The following ILRUN variants were observed in gnomAD, a reference collection of about 807,000 sequenced individuals.
The protein encoded by ILRUN is inflammation and lipid regulator with UBA-like and NBR1-like domains, also known as protein ILRUN.
A neutral mutation model predicts 33.8 loss-of-function variants in ILRUN; 3 were observed. The observed-to-expected ratio is 0.09, with a 90% confidence interval of 0.04 to 0.23. The LOEUF is 0.23. Ranked by LOEUF, ILRUN falls within the 10% of genes least tolerant of loss-of-function variation. The pLI is 1.00. For synonymous variants in ILRUN, 124 were observed against 138.9 expected (o/e 0.89, Z 0.75); for missense variants, 210 against 375.1 (o/e 0.56, Z 3.64).
chr6:34,606,522 C>A (rs1355001035), intron 4 of ILRUN, 33 bp downstream of exon 4: 1 of 1,569,304 alleles, frequency 6.4e-7, no homozygotes, highest in African/African-American at 1.4e-5. Context: ...CAAGGCCCAC[C>A]ACCTACCCCT....
At chr6:34,611,041 T>TTCCCCC (rs71746730) in intron 3 of ILRUN, among the ~76,000 whole-genome samples, 64 of 149,356 alleles carry the variant, frequency 4.3e-4, no homozygotes, top group African/African-American at 1.5e-3. Flanking sequence ...TGAGACTTCT[T>TTCCCCC]TCCCCCTCCC....
intron 3 of ILRUN, among the ~76,000 whole-genome samples, chr6:34,637,340 T>C (rs1281726269): frequency 6.6e-6 from 1 of 152,222 alleles, no homozygotes; most frequent in Non-Finnish European, 1.5e-5. Context: ...TTTATTTTCC[T>C]TTTAACAGTA....
chr6:34,594,876 T>C (rs958827699), intron 4 of ILRUN, among the ~76,000 whole-genome samples: 3 of 152,102 alleles, frequency 2.0e-5, no homozygotes, highest in Non-Finnish European at 1.5e-5. Context: ...TTTCCTAAAA[T>C]TAAAAAAAAA....
intron 3 of ILRUN, among the ~76,000 whole-genome samples, chr6:34,617,773 T>C (rs570384619): frequency 6.6e-6 from 1 of 152,308 alleles, no homozygotes; most frequent in South Asian, 2.1e-4. Context: ...CCTTAGTATT[T>C]AGCATTATAC....
At chr6:34,632,650 G>C (rs1762271818) in intron 3 of ILRUN, among the ~76,000 whole-genome samples, 2 of 150,012 alleles carry the variant, frequency 1.3e-5, no homozygotes, top group Non-Finnish European at 3.0e-5. Context: ...CGAGTAGCTG[G>C]GACTACAGGC....
At position 34,639,947 on chromosome 6, in the gene ILRUN, C is replaced by T. The variant is rs772763392; in HGVS notation, c.511+6654G>A. On this transcript the variant is annotated intron_variant, in intron 3 of 4. Transcript: ENST00000374023. Reference sequence around the variant, plus strand: ...AATAATACCTGGCAAATAGTAAGTACGAGAATTTGTTAGTACTTTCTACTA... The same window carrying T: ...AATAATACCTGGCAAATAGTAAGTATGAGAATTTGTTAGTACTTTCTACTA... 4.0e-5 allele frequency among the ~76,000 whole-genome samples: 6 copies of T among 151,840 alleles called. No individual in the cohort carries two copies. The South Asian group carries it at 1.0e-3, about 26-fold the overall frequency.
chr6:34,672,687 A>G (rs1763141804), intron 1 of ILRUN, among the ~76,000 whole-genome samples: 1 of 152,202 alleles, frequency 6.6e-6, no homozygotes, highest in South Asian at 2.1e-4. Context: ...GATCACCCAG[A>G]AAACAAAGCA....
chr6:34,683,441 CATATATAT>C (rs68021203), intron 1 of ILRUN, among the ~76,000 whole-genome samples: 1 of 120,068 alleles, frequency 8.3e-6, no homozygotes, highest in Non-Finnish European at 1.7e-5. Context: ...TATATATATA[CATATATAT>C]ATACATATAT....
At position 34,610,426 on chromosome 6, in the gene ILRUN, C is replaced by T. The variant is rs540701737; in HGVS notation, c.512-3522G>A. Among the ~76,000 whole-genome samples, 81 of 152,212 alleles carry T rather than the reference C, an allele frequency of 5.3e-4. 1 individual carries two copies. The highest frequency in any genetic ancestry group is 1.0e-3 in the Non-Finnish European group (69 of 68,038). The stretch of plus-strand genomic sequence containing the variant: ...TTCCATGCTCTCCTATCCTAGCTTT[C>T]TAACACAAGACAGCATTCCTTCACT... On this transcript the variant is annotated intron_variant, in intron 3 of 4. Transcript: ENST00000374023.
chr6:34,617,685 C>A (rs1457852064), intron 3 of ILRUN, among the ~76,000 whole-genome samples: 8 of 152,202 alleles, frequency 5.3e-5, no homozygotes, highest in Admixed American at 5.2e-4. Context: ...TGAAGGACAA[C>A]CTCCACTGAA....
intron 1 of ILRUN, among the ~76,000 whole-genome samples, chr6:34,672,590 C>T (rs1174582617): frequency 6.6e-6 from 1 of 151,842 alleles, no homozygotes; most frequent in Admixed American, 6.6e-5. Context: ...TAGTCAAGAA[C>T]CACAATATAT....
intron 3 of ILRUN, among the ~76,000 whole-genome samples, chr6:34,608,532 T>TG (rs1194009913): frequency 1.3e-5 from 2 of 152,230 alleles, no homozygotes; most frequent in Non-Finnish European, 2.9e-5. Context: ...TGAGTGAATG[T>TG]GGACATTACT....
chr6:34,643,244 A>G (rs1181675504), intron 3 of ILRUN, among the ~76,000 whole-genome samples: 1 of 151,776 alleles, frequency 6.6e-6, no homozygotes, highest in African/African-American at 2.4e-5. Context: ...GGTTGCAGTG[A>G]GCCAAGATCA....
At chr6:34,613,601 C>A (rs549704459) in intron 3 of ILRUN, among the ~76,000 whole-genome samples, 15 of 152,244 alleles carry the variant, frequency 9.9e-5, no homozygotes, top group South Asian at 2.1e-4. Flanking sequence ...ATAGTGGGAA[C>A]AAGGTTCCTC....
chr6:34,591,538 C>T (rs942173210), intron 4 of ILRUN, among the ~76,000 whole-genome samples: 18 of 147,788 alleles, frequency 1.2e-4, no homozygotes, highest in African/African-American at 2.5e-4. Context: ...TTCCCTCTGT[C>T]GCCCAGGCTG....
At chr6:34,688,128 T>A (rs1373961534) in intron 1 of ILRUN, among the ~76,000 whole-genome samples, 1 of 151,638 alleles carries the variant, frequency 6.6e-6, no homozygotes, top group Non-Finnish European at 1.5e-5. Context: ...GGGTGGGGGT[T>A]GGGGGGTGGC....
chr6:34,632,508 T>C (rs1327700169), intron 3 of ILRUN, among the ~76,000 whole-genome samples: 1 of 152,140 alleles, frequency 6.6e-6, no homozygotes, highest in Non-Finnish European at 1.5e-5. Context: ...CTTTAGACTT[T>C]ATTTTCTATA....
At chr6:34,683,463 C>CAT (rs768330830) in intron 1 of ILRUN, among the ~76,000 whole-genome samples, 1,088 of 102,586 alleles carry the variant, frequency 0.011, 66 homozygotes, top group East Asian at 0.057. Flanking sequence ...CATATATATA[C>CAT]ATATATATAC....
intron 3 of ILRUN, among the ~76,000 whole-genome samples, chr6:34,636,994 T>C (rs1026170730): frequency 6.6e-6 from 1 of 152,210 alleles, no homozygotes; most frequent in African/African-American, 2.4e-5. Context: ...TTTTTATTCA[T>C]TTTTAATATC....
Sources: allele counts gnomAD v4.1 joint callset (sites outside exome capture counted in the v4.1 genomes callset), GRCh38; gene constraint gnomAD v4.1.1; transcripts MANE v1.5; gene names NCBI Gene and HGNC (gene_info 2026-07-23, HGNC 2026-07-21).